SORT1: variants seen among roughly 807,000 people sequenced by gnomAD.
The protein encoded by SORT1 is sortilin.
In SORT1, 39 loss-of-function variants were observed where a neutral mutation model predicts 101.7. The ratio of observed to expected loss-of-function variants is 0.38; its 90% confidence interval spans 0.30 to 0.50. The LOEUF (loss-of-function observed/expected upper bound fraction) is 0.50, where lower values mean the gene tolerates loss of function less well. Among genes scored for constraint, SORT1 ranks in the 20% least tolerant of loss-of-function variants. SORT1 has a pLI of 0.90. For synonymous variants in SORT1, 396 were observed against 393.7 expected (o/e 1.01, Z -0.07); for missense variants, 878 against 1,040.4 (o/e 0.84, Z 2.15).
chr1:109,356,358 C>T (rs1252012815), intron 3 of SORT1, among the ~76,000 whole-genome samples: 1 of 152,150 alleles, frequency 6.6e-6, no homozygotes, highest in East Asian at 1.9e-4. Flanking sequence ...TGTGAACACA[C>T]AGTAAAGACT....
chr1:109,333,613 G>T (rs922191659), intron 11 of SORT1, among the ~76,000 whole-genome samples: 3 of 152,152 alleles, frequency 2.0e-5, no homozygotes, highest in African/African-American at 7.2e-5. Context: ...TTTATCAAAA[G>T]AAGACATATA....
At chr1:109,345,463 C>T (rs572507142) in intron 8 of SORT1, among the ~76,000 whole-genome samples, 61 of 151,298 alleles carry the variant, frequency 4.0e-4, no homozygotes, top group African/African-American at 1.4e-3. Flanking sequence ...TGCAGTGAGC[C>T]GAGATTGCGT....
At chr1:109,379,136 C>T (rs1331370886) in intron 1 of SORT1, among the ~76,000 whole-genome samples, 2 of 147,908 alleles carry the variant, frequency 1.4e-5, no homozygotes, top group African/African-American at 4.9e-5. Context: ...AAGTGAAACG[C>T]CGTCTCAAAA....
intron 8 of SORT1, among the ~76,000 whole-genome samples, chr1:109,344,925 G>A (rs1223497159): frequency 6.6e-6 from 1 of 151,946 alleles, no homozygotes; most frequent in Non-Finnish European, 1.5e-5. Flanking sequence ...TTGAATTCCT[G>A]GGCTCAAGGG....
At chr1:109,355,802 C>T (rs547464745) in intron 3 of SORT1, among the ~76,000 whole-genome samples, 3 of 152,138 alleles carry the variant, frequency 2.0e-5, no homozygotes, top group South Asian at 4.2e-4. Flanking sequence ...ATAAAATGGT[C>T]TATATTCCTT....
At chr1:109,331,346 T>C (rs1338239199) in intron 11 of SORT1, among the ~76,000 whole-genome samples, 1 of 151,998 alleles carries the variant, frequency 6.6e-6, no homozygotes, top group Non-Finnish European at 1.5e-5. Flanking sequence ...TATGCCACAT[T>C]AATAGAATGA....
chr1:109,336,050 A>C (rs1468507054), intron 11 of SORT1, among the ~76,000 whole-genome samples, 190 bp downstream of exon 11: 2 of 152,232 alleles, frequency 1.3e-5, no homozygotes, highest in Non-Finnish European at 2.9e-5. Flanking sequence ...CAAATAATCC[A>C]TAGTATTTTG....
chr1:109,322,137 C>T (rs1647673762), intron 15 of SORT1, among the ~76,000 whole-genome samples: 1 of 151,332 alleles, frequency 6.6e-6, no homozygotes, highest in Non-Finnish European at 1.5e-5. Flanking sequence ...AGGGTCTCAT[C>T]ATATTGCCCA....
intron 7 of SORT1, among the ~76,000 whole-genome samples, chr1:109,346,140 T>A (rs1307433118): frequency 2.0e-5 from 3 of 151,436 alleles, no homozygotes; most frequent in Non-Finnish European, 4.4e-5. Flanking sequence ...TGAAACCCCA[T>A]CTGTACTAAA....
intron 1 of SORT1, among the ~76,000 whole-genome samples, chr1:109,388,881 G>T (rs1264272896): frequency 6.6e-6 from 1 of 152,024 alleles, no homozygotes; most frequent in Non-Finnish European, 1.5e-5. Flanking sequence ...CCAAACTACT[G>T]CCTCAAACCA....
At chr1:109,334,213 A>T (rs1332098633) in intron 11 of SORT1, among the ~76,000 whole-genome samples, 1 of 152,220 alleles carries the variant, frequency 6.6e-6, no homozygotes, top group African/African-American at 2.4e-5. Flanking sequence ...GTTCATATTC[A>T]AGAGAAATGA....
chr1:109,355,862 G>C (rs1650283331), intron 3 of SORT1, among the ~76,000 whole-genome samples: 1 of 151,968 alleles, frequency 6.6e-6, no homozygotes, highest in Non-Finnish European at 1.5e-5. Flanking sequence ...AGAAACATTT[G>C]GTAATGTTTG....
intron 3 of SORT1, among the ~76,000 whole-genome samples, chr1:109,365,889 C>T (rs75762243): frequency 1.3e-3 from 201 of 152,304 alleles, no homozygotes; most frequent in African/African-American, 4.5e-3. Context: ...TCATACCTCA[C>T]GGGGAAGAGA....
chr1:109,341,851 G>A (rs998155158), intron 9 of SORT1, among the ~76,000 whole-genome samples, 163 bp downstream of exon 9: 2 of 152,126 alleles, frequency 1.3e-5, no homozygotes, highest in Non-Finnish European at 2.9e-5. Context: ...ACCAAAACAA[G>A]TGGCATTTTT....
intron 3 of SORT1, among the ~76,000 whole-genome samples, chr1:109,356,408 A>AATTCTCGGT (rs554752751): frequency 7.7e-4 from 117 of 152,344 alleles, no homozygotes; most frequent in African/African-American, 2.6e-3. Context: ...CAGAGAAGGT[A>AATTCTCGGT]ATTTCAGAAT....
At chr1:109,341,515 T>G (rs965348927) in intron 9 of SORT1, among the ~76,000 whole-genome samples, 2 of 151,920 alleles carry the variant, frequency 1.3e-5, no homozygotes, top group African/African-American at 4.8e-5. Flanking sequence ...GCCAGCTAAT[T>G]TTTTGTATTT....
At chr1:109,336,860 G>C (rs563435498) in intron 10 of SORT1, among the ~76,000 whole-genome samples, 2 of 151,530 alleles carry the variant, frequency 1.3e-5, no homozygotes, top group African/African-American at 4.8e-5. Flanking sequence ...ACCTGAACAG[G>C]ACCCAATTAA....
chr1:109,327,095 A>C lies in SORT1; in HGVS notation c.1540T>G (p.Ser514Ala), dbSNP rs778864095. ...DVYISDDGGYSWTKMLEGPHY... is the reference protein window; with the variant it reads ...DVYISDDGGYAWTKMLEGPHY... ...GGTCCTTCCAGCATCTTTGTCCAGG[A>C]GTAACCCCCATCATCTGAGATGTAC... The change falls in exon 13 of 20, where the codon TCC (serine) becomes GCC (alanine). Residue 514 changes from serine (S) to alanine (A), a missense_variant. This residue lies in a region of SORT1 where 684 missense variants were observed against 894.5 expected (regional missense o/e 0.76). Coordinates refer to ENST00000256637, the MANE Select transcript of SORT1 (RefSeq NM_002959.7). 6.2e-7 allele frequency: 1 copy of C among 1,613,616 alleles called. No individual in the cohort carries two copies. The highest frequency in any genetic ancestry group is 8.5e-7 in the Non-Finnish European group (1 of 1,179,904).
intron 1 of SORT1, among the ~76,000 whole-genome samples, chr1:109,369,938 A>C (rs1277949361): frequency 6.6e-6 from 1 of 152,208 alleles, no homozygotes; most frequent in Admixed American, 6.5e-5. Context: ...AAAACAAAAG[A>C]TCATAGCCCA....
Sources: allele counts gnomAD v4.1 joint callset (sites outside exome capture counted in the v4.1 genomes callset), GRCh38; gene constraint gnomAD v4.1.1; regional missense constraint gnomAD v4.1.1; transcripts MANE v1.5; gene names NCBI Gene and HGNC (gene_info 2026-07-23, HGNC 2026-07-21).